Variants in IFT140 observed in about 807,000 individuals in gnomAD.
The protein encoded by IFT140 is intraflagellar transport protein 140 homolog.
A neutral mutation model predicts 164.6 loss-of-function variants in IFT140; 133 were observed. The observed-to-expected ratio is 0.81, with a 90% CI of 0.70 to 0.93. IFT140 has a LOEUF of 0.93. Among genes scored for constraint, IFT140 ranks in the 40% least tolerant of loss-of-function variants. The probability of loss-of-function intolerance (pLI) is 0.00; values close to 1 mark genes in which losing one functional copy is unlikely to be tolerated. For synonymous variants in IFT140, 860 were observed against 817.3 expected, an observed-to-expected ratio of 1.05 and a Z score of -0.89; for missense variants, 2,045 against 1,972.3, an observed-to-expected ratio of 1.04 and a Z score of -0.70.
intron 19 of IFT140, among the ~76,000 whole-genome samples, chr16:1,542,340 T>C (rs1292730902): frequency 2.6e-5 from 4 of 152,260 alleles, no homozygotes; most frequent in South Asian, 4.1e-4. Flanking sequence ...TTTTCCACTT[T>C]AAAGGCTGAG....
intron 18 of IFT140, among the ~76,000 whole-genome samples, chr16:1,559,138 CAGGGTGCTGAGTGCTGA>C (rs1423822952): frequency 1.3e-5 from 2 of 152,208 alleles, no homozygotes; most frequent in African/African-American, 2.4e-5. Context: ...GGCCCATCTG[CAGGGTGCTGAGTGCTGA>C]AGGGTTTGGA....
At chr16:1,587,041 G>A (rs1022216151) in intron 9 of IFT140, among the ~76,000 whole-genome samples, 157 bp downstream of exon 9, 3 of 152,192 alleles carry the variant, frequency 2.0e-5, no homozygotes, top group African/African-American at 4.8e-5. Context: ...AAGCTCTGCC[G>A]TTGCTTGCTT....
intron 19 of IFT140, chr16:1,554,253 A>AGCTATGCTTCTGAC: frequency 8.6e-6 from 5 of 578,632 alleles, no homozygotes; most frequent in South Asian, 1.9e-5. Flanking sequence ...AAACTGTCAG[A>AGCTATGCTTCTGAC]AGCATAGCTC....
chr16:1,589,172 G>A (rs928857874), intron 7 of IFT140, among the ~76,000 whole-genome samples: 1 of 152,220 alleles, frequency 6.6e-6, no homozygotes, highest in African/African-American at 2.4e-5. Flanking sequence ...ATCTGCAAGA[G>A]CATCTTTAGG....
rs554786776 is a variant in IFT140, at chr16:1,570,458, C to T, written c.1652+949G>A. Among the ~76,000 whole-genome samples, 12 of 152,296 alleles carry T rather than the reference C, an allele frequency of 7.9e-5. No homozygotes were observed. The South Asian group carries it at 1.0e-3, about 13-fold the overall frequency. On this transcript the variant is annotated intron_variant, in intron 14 of 30. Coordinates refer to ENST00000426508, the MANE Select transcript of IFT140 (RefSeq NM_014714.4). ...AACTCCCACTCCCACTCCCACCACG[C>T]GATGCCAGGCTCCTGCCATCTACCC...
chr16:1,571,049 G>A (rs966768059), intron 14 of IFT140, among the ~76,000 whole-genome samples: 2 of 152,180 alleles, frequency 1.3e-5, no homozygotes, highest in Non-Finnish European at 2.9e-5. Context: ...GAGCTACCCT[G>A]CCCAGCCTGA....
intron 19 of IFT140, among the ~76,000 whole-genome samples, chr16:1,530,180 C>A (rs1484070622): frequency 7.4e-6 from 1 of 135,486 alleles, no homozygotes; most frequent in African/African-American, 3.1e-5. Context: ...CACTCTGTCA[C>A]CAGGCTGGAG....
chr16:1,526,723 C>T lies in IFT140; in HGVS notation c.2473G>A (p.Gly825Arg). Residue 825 changes from glycine to arginine, a missense_variant, in exon 20 of 31, where the codon GGG (glycine) becomes AGG (arginine). By Grantham distance (125) the Gly-to-Arg change is moderately radical (BLOSUM62 -2). Coordinates refer to ENST00000426508, the MANE Select transcript of IFT140 (RefSeq NM_014714.4). ...QRLDVAKVCL[G>R]NMGHARGARA... is the part of the protein sequence containing the mutation. ...GCCCCGCGGGCATGGCCCATGTTCC[C>T]CAGGCACACCTTGGCCACGTCCAGC... 6.2e-7 allele frequency: 1 copy of T among 1,609,322 alleles called. No homozygotes were observed. The highest frequency in any genetic ancestry group is 8.5e-7 in the Non-Finnish European group (1 of 1,178,820).
chr16:1,544,007 A>G (rs2031906501), intron 19 of IFT140, among the ~76,000 whole-genome samples: 1 of 151,838 alleles, frequency 6.6e-6, no homozygotes, highest in Non-Finnish European at 1.5e-5. Flanking sequence ...AACCCAATGG[A>G]TCACTACATT....
In IFT140 at chr16:1,558,081, A is replaced by G. The variant is rs2076436; in HGVS notation, c.2253T>C (p.Pro751=). ...GCAGGGGTCTCCTGGACACCATCTG[A>G]GGGATGTGGTGGCACCCAGGCTCCA... ...DEVEPGCHHI[P]QMVSRRPLRD... is the part of the protein sequence containing the mutation. The change falls in exon 19 of 31, where the codon CCT becomes CCC. Residue 751 remains proline, a synonymous_variant. Transcript: ENST00000426508. 379,045 of 1,613,806 alleles carry G rather than the reference A, an allele frequency of 0.23. 49,528 individuals carry two copies. The highest frequency in any genetic ancestry group is 0.49 in the African/African-American group (36,933 of 74,936).
Position 1,526,085 on chromosome 16 carries a change from A to T in IFT140, c.2578-8T>A, listed in dbSNP as rs781483603. ...CAGCTGCTCGGCGTCCTCCTGAGGA[A>T]TGAGGATGGGCAGGTGTCGTGCAGC... On this transcript the variant is annotated splice_region_variant and splice_polypyrimidine_tract_variant and intron_variant, in intron 20 of 30. Coordinates refer to ENST00000426508, the MANE Select transcript of IFT140 (RefSeq NM_014714.4). 1 of 1,575,998 alleles carries T rather than the reference A, an allele frequency of 6.3e-7. No homozygotes were observed. The highest frequency in any genetic ancestry group is 1.8e-5 in the Admixed American group (1 of 54,852).
At chr16:1,545,599 C>T (rs56342298) in intron 19 of IFT140, among the ~76,000 whole-genome samples, 11,678 of 152,168 alleles carry the variant, frequency 0.077, 536 homozygotes, top group African/African-American at 0.12. Context: ...GACAAGGAAA[C>T]GCCTGCTATT....
chr16:1,525,420 G>A (rs1317246513), intron 21 of IFT140, 94 bp from the exon 22 acceptor site: 1 of 927,642 alleles, frequency 1.1e-6, no homozygotes, highest in East Asian at 2.4e-5. Flanking sequence ...AAACGCATCA[G>A]AGCGGTGGCC....
intron 8 of IFT140, among the ~76,000 whole-genome samples, 160 bp downstream of exon 8, chr16:1,587,773 C>G (rs2034965578): frequency 1.3e-5 from 2 of 152,212 alleles, no homozygotes; most frequent in African/African-American, 4.8e-5. Flanking sequence ...TAATGCTCAG[C>G]TCCTCAGTCT....
chr16:1,556,733 T>A (rs545976640), intron 19 of IFT140, among the ~76,000 whole-genome samples: 1,538 of 152,294 alleles, frequency 0.01, 25 homozygotes, highest in African/African-American at 0.035. Context: ...CTGCTCAACT[T>A]TTTTATGACA....
At chr16:1,542,060 T>C in intron 19 of IFT140, 1 of 1,608,620 alleles carries the variant, frequency 6.2e-7, no homozygotes, top group Middle Eastern at 1.7e-4. Context: ...CCATGGCCGC[T>C]GCATTCCAAC....
intron 3 of IFT140, 50 bp downstream of exon 3, chr16:1,607,070 A>G: frequency 6.3e-7 from 1 of 1,591,210 alleles, no homozygotes; most frequent in Non-Finnish European, 8.6e-7. Context: ...AACACAAACA[A>G]CATGAGCCAG....
intron 13 of IFT140, chr16:1,578,372 CACA>C (rs927044801): frequency 4.4e-4 from 67 of 152,252 alleles, no homozygotes; most frequent in African/African-American, 1.5e-3. Context: ...GGATAAAAAT[CACA>C]ACGATAGCTA....
intron 14 of IFT140, 98 bp downstream of exon 14, chr16:1,571,309 T>C: frequency 8.5e-7 from 1 of 1,173,102 alleles, no homozygotes; most frequent in East Asian, 2.4e-5. Context: ...AATGGGCACC[T>C]AAGGAGTCTT....
Sources: gnomAD v4.1 joint callset for allele counts (sites outside exome capture counted in the v4.1 genomes callset) on GRCh38, gnomAD v4.1.1 for gene constraint, MANE v1.5 for transcripts, NCBI Gene and HGNC (gene_info 2026-07-23, HGNC 2026-07-21) for gene names.